Variants in UNC13C observed in about 807,000 individuals in gnomAD.
UNC13C encodes unc-13 homolog C, also known as protein unc-13 homolog C.
Under a neutral mutation model 245.4 loss-of-function variants are expected in UNC13C, and 174 were observed. That is an observed-to-expected ratio of 0.71 (90% CI 0.63 to 0.80). The LOEUF is 0.80. UNC13C is among the 30% of genes least tolerant of loss of function. The probability of loss-of-function intolerance (pLI) is 0.00; values close to 1 mark genes in which losing one functional copy is unlikely to be tolerated. For synonymous variants in UNC13C, 992 were observed against 895.1 expected (o/e 1.11, Z -1.93); for missense variants, 2,829 against 2,602.9 (o/e 1.09, Z -1.89).
At chr15:53,946,457 T>G in the UNC13C span, among the ~76,000 whole-genome samples, 6 of 151,244 alleles carry the variant, frequency 4.0e-5, no homozygotes, top group South Asian at 2.1e-4. Flanking sequence ...TTTTGTTTTT[T>G]TTTTTTTTTA....
chr15:53,914,527 C>G, the UNC13C span: 1 of 152,198 alleles, frequency 6.6e-6, no homozygotes, highest in South Asian at 2.1e-4. Flanking sequence ...ATTGCTTGTG[C>G]CCAGAGAAAG....
Position 54,013,777 on chromosome 15 carries a change from C to G in UNC13C, c.874C>G (p.Arg292Gly). ...EVVQSEIEQL[R>G]TGFVQSRRET... ...TGTACAAAGTGAAATTGAGCAGTTG[C>G]GCACAGGGTTTGTCCAGTCTCGGAG... Residue 292 changes from arginine to glycine, a missense_variant, in exon 2 of 33, where the codon CGC becomes GGC. Transcript: ENST00000260323. 1 of 1,610,458 alleles carries G rather than the reference C, an allele frequency of 6.2e-7. No individual in the cohort carries two copies. Among genetic ancestry groups the G allele is most frequent in the South Asian group, 1.1e-5 (1 of 90,680 alleles).
the UNC13C span, among the ~76,000 whole-genome samples, chr15:53,895,801 G>C: frequency 9.2e-5 from 14 of 152,012 alleles, no homozygotes; most frequent in African/African-American, 3.1e-4. Flanking sequence ...TTGTGAAATT[G>C]CTGTTCTTTG....
chr15:54,606,761 C>G (rs1401681999), intron 30 of UNC13C, among the ~76,000 whole-genome samples: 1 of 152,170 alleles, frequency 6.6e-6, no homozygotes, highest in African/African-American at 2.4e-5. Flanking sequence ...GCATCTGACC[C>G]TACAGCCTGT....
intron 30 of UNC13C, among the ~76,000 whole-genome samples, chr15:54,605,375 T>G (rs139279122): frequency 6.6e-6 from 1 of 152,126 alleles, no homozygotes; most frequent in Non-Finnish European, 1.5e-5. Flanking sequence ...CCCTTATATT[T>G]CCTATCATAG....
At chr15:54,018,048 A>T (rs940725041) in intron 2 of UNC13C, among the ~76,000 whole-genome samples, 1 of 152,136 alleles carries the variant, frequency 6.6e-6, no homozygotes, top group African/African-American at 2.4e-5. Context: ...TTTAAAGGCT[A>T]TCTCTGCTCC....
intron 10 of UNC13C, among the ~76,000 whole-genome samples, chr15:54,292,932 ATATC>A (rs1168936276): frequency 6.7e-6 from 1 of 148,498 alleles, no homozygotes; most frequent in Non-Finnish European, 1.5e-5. Context: ...ATAGAGATAG[ATATC>A]TATATCTATC....
At chr15:54,318,748 CTT>C (rs1305428136) in intron 13 of UNC13C, among the ~76,000 whole-genome samples, 1 of 151,824 alleles carries the variant, frequency 6.6e-6, no homozygotes, top group Non-Finnish European at 1.5e-5. Flanking sequence ...TGTGCAGAAA[CTT>C]TTTAATTTGA....
intron 2 of UNC13C, among the ~76,000 whole-genome samples, chr15:54,088,779 T>G (rs969115796): frequency 1.3e-5 from 2 of 152,240 alleles, no homozygotes; most frequent in Admixed American, 6.5e-5. Context: ...GCGTTCACTT[T>G]GGAAGTAATA....
chr15:54,090,749 C>A (rs1383610683), intron 2 of UNC13C, among the ~76,000 whole-genome samples: 1 of 152,180 alleles, frequency 6.6e-6, no homozygotes, highest in Non-Finnish European at 1.5e-5. Flanking sequence ...TTTAATGGCT[C>A]TTTCTGGAGA....
chr15:54,305,781 A>G (rs1447070894), intron 13 of UNC13C, among the ~76,000 whole-genome samples: 2 of 152,054 alleles, frequency 1.3e-5, no homozygotes, highest in African/African-American at 4.8e-5. Context: ...TAATAAGGAT[A>G]CTTAACCATT....
chr15:54,271,895 A>G (rs1478937856), intron 10 of UNC13C, among the ~76,000 whole-genome samples: 3 of 152,144 alleles, frequency 2.0e-5, no homozygotes, highest in African/African-American at 7.2e-5. Context: ...TACTTCTTGG[A>G]GTATCCATTT....
intron 30 of UNC13C, among the ~76,000 whole-genome samples, chr15:54,599,244 A>G (rs912398987): frequency 1.4e-4 from 21 of 152,260 alleles, no homozygotes; most frequent in African/African-American, 4.8e-4. Flanking sequence ...CACATTAGTA[A>G]CTAGAATACA....
At chr15:53,966,817 C>A in the UNC13C span, among the ~76,000 whole-genome samples, 3 of 151,868 alleles carry the variant, frequency 2.0e-5, no homozygotes, top group African/African-American at 7.2e-5. Context: ...TTTTTACTAT[C>A]TTATTTTCTT....
chr15:54,371,163 A>G (rs552096433), intron 17 of UNC13C, among the ~76,000 whole-genome samples: 1 of 152,148 alleles, frequency 6.6e-6, no homozygotes, highest in South Asian at 2.1e-4. Flanking sequence ...GGTCTCCACA[A>G]CCCATCACCC....
At chr15:53,872,920 G>A in the UNC13C span, among the ~76,000 whole-genome samples, 1 of 152,210 alleles carries the variant, frequency 6.6e-6, no homozygotes, top group Non-Finnish European at 1.5e-5. Context: ...AAATGACAAC[G>A]TTTTGCCATG....
At chr15:53,956,596 G>A in the UNC13C span, among the ~76,000 whole-genome samples, 1 of 149,954 alleles carries the variant, frequency 6.7e-6, no homozygotes, top group Non-Finnish European at 1.5e-5. Context: ...TCATAAGTTA[G>A]CAAGTGAAAA....
chr15:54,186,890 C>T (rs541654776), intron 4 of UNC13C, among the ~76,000 whole-genome samples: 3 of 138,188 alleles, frequency 2.2e-5, no homozygotes, highest in Non-Finnish European at 3.2e-5. Context: ...GCTCTGTCAC[C>T]GAGGCTGGAG....
intron 1 of UNC13C, among the ~76,000 whole-genome samples, chr15:53,981,044 A>G (rs868337436): frequency 6.6e-6 from 1 of 152,182 alleles, no homozygotes; most frequent in African/African-American, 2.4e-5. Flanking sequence ...TCAGTGCAGA[A>G]GAGAACGTAC....
Sources: gnomAD v4.1 joint callset for allele counts (sites outside exome capture counted in the v4.1 genomes callset) on GRCh38, gnomAD v4.1.1 for gene constraint, MANE v1.5 for transcripts, NCBI Gene and HGNC (gene_info 2026-07-23, HGNC 2026-07-21) for gene names.